Variants in DNAH11 observed in about 807,000 individuals in gnomAD.
DNAH11 encodes axonemal beta dynein heavy chain 11.
DNAH11 carries 442 observed loss-of-function variants against 526.0 expected under a neutral mutation model. The observed-to-expected ratio is 0.84, with a 90% CI of 0.78 to 0.91. The LOEUF is 0.91. DNAH11 is among the 40% of genes least tolerant of loss of function. The pLI is 0.00. For missense variants in DNAH11, 6,989 were observed against 5,448.7 expected (o/e 1.28, Z -8.90); for synonymous variants, 2,461 against 1,935.9 (o/e 1.27, Z -7.12).
chr7:21,600,310 T>C (rs1482137641), intron 15 of DNAH11, among the ~76,000 whole-genome samples, 191 bp downstream of exon 15: 2 of 151,914 alleles, frequency 1.3e-5, no homozygotes, highest in Non-Finnish European at 2.9e-5. Context: ...ATTAAAAAAT[T>C]AGCTGGGTGT....
At chr7:21,559,058 C>A in intron 3 of DNAH11, 60 bp downstream of exon 3, 2 of 1,435,428 alleles carry the variant, frequency 1.4e-6, no homozygotes, top group Non-Finnish European at 1.9e-6. Flanking sequence ...AGCACGGTGG[C>A]TCATGCCTAT....
intron 66 of DNAH11, among the ~76,000 whole-genome samples, chr7:21,844,233 T>C (rs1782330158): frequency 6.6e-6 from 1 of 152,100 alleles, no homozygotes. Flanking sequence ...GAGACCAGCC[T>C]GGCCAACATG....
chr7:21,650,134 A>G (rs1325889923), intron 28 of DNAH11, among the ~76,000 whole-genome samples: 1 of 152,236 alleles, frequency 6.6e-6, no homozygotes, highest in African/African-American at 2.4e-5. Context: ...ACACATTTAC[A>G]TAAAATTATA....
intron 9 of DNAH11, 98 bp downstream of exon 9, chr7:21,582,119 A>C: frequency 4.1e-6 from 3 of 730,914 alleles, no homozygotes; most frequent in Non-Finnish European, 7.0e-6. Context: ...AGTATTCACT[A>C]GGTTAACTAG....
intron 36 of DNAH11, among the ~76,000 whole-genome samples, chr7:21,699,861 T>C (rs1053568725): frequency 8.5e-5 from 13 of 152,128 alleles, no homozygotes; most frequent in Non-Finnish European, 1.8e-4. Flanking sequence ...TTGCTGACCA[T>C]GTTGAATGTG....
Position 21,617,888 on chromosome 7 carries a change from A to G in DNAH11, c.4254+111A>G. The G allele has an allele frequency of 9.4e-6, 11 of 1,166,532 alleles. No homozygotes were observed. In the South Asian group the frequency reaches 1.9e-4, roughly 20 times the overall value. The allele number at this position is 1,166,532 out of a possible 1,614,324, so 72.3% of individuals were successfully genotyped here. ...TTTATGAAAAGACCCCCCTCAGCAT[A>G]GCCTCTACTTGCTGTGTTATGCCTT... On this transcript the variant is annotated intron_variant, in intron 23 of 81. Coordinates refer to ENST00000409508, the MANE Select transcript of DNAH11 (RefSeq NM_001277115.2).
chr7:21,886,309 C>A (rs1046160629), intron 76 of DNAH11, among the ~76,000 whole-genome samples: 2 of 151,836 alleles, frequency 1.3e-5, no homozygotes, highest in African/African-American at 4.8e-5. Context: ...CTATTTTAGA[C>A]TAAAATACAC....
intron 65 of DNAH11, among the ~76,000 whole-genome samples, chr7:21,831,340 T>A (rs1781759442): frequency 6.6e-6 from 1 of 152,160 alleles, no homozygotes; most frequent in Admixed American, 6.5e-5. Context: ...TTTTGATCCT[T>A]CAAGTCATGA....
In DNAH11 at chr7:21,854,389, A is replaced by G. The variant is rs758237171; in HGVS notation, c.11136A>G (p.Ala3712=). The change falls in exon 68 of 82, where the codon GCA becomes GCG. Residue 3712 remains alanine, a synonymous_variant. Transcript: ENST00000409508. The part of the protein sequence containing the change: ...RECYRPVAAR[A]SLLYFVINDL... ...GTTACAGACCAGTGGCAGCAAGAGC[A>G]TCTCTTCTTTATTTTGTTATTAATG... is the stretch of plus-strand genomic sequence containing the variant. 18 of 1,613,756 alleles carry G rather than the reference A, an allele frequency of 1.1e-5. No homozygotes were observed. The South Asian group carries it at 1.9e-4, about 17-fold the overall frequency.
rs185604290 is a variant in DNAH11, at chr7:21,899,913, C to T, written c.13163-67C>T. On this transcript the variant is annotated intron_variant, in intron 80 of 81. Coordinates refer to ENST00000409508, the MANE Select transcript of DNAH11 (RefSeq NM_001277115.2). ...TGGGACTAAAGGATGCCTCAATTTACTGGTAGCTCCCGGGAACCTTACATG... is the reference window on the plus strand; with the variant it reads ...TGGGACTAAAGGATGCCTCAATTTATTGGTAGCTCCCGGGAACCTTACATG... 3.3e-5 allele frequency: 51 copies of T among 1,564,760 alleles called. 1 individual carries two copies. The African/African-American group carries it at 5.7e-4, about 17-fold the overall frequency.
intron 65 of DNAH11, among the ~76,000 whole-genome samples, chr7:21,819,914 A>G (rs1676400146): frequency 1.3e-5 from 2 of 152,304 alleles, no homozygotes; most frequent in East Asian, 1.9e-4. Context: ...TGAATTGATC[A>G]TATCATTCTT....
intron 43 of DNAH11, among the ~76,000 whole-genome samples, chr7:21,719,559 T>C (rs1784798187): frequency 6.6e-6 from 1 of 152,198 alleles, no homozygotes; most frequent in Non-Finnish European, 1.5e-5. Context: ...TACTAAAAAA[T>C]AACAAAGCCT....
At chr7:21,558,659 T>C (rs889352140) in intron 2 of DNAH11, 143 bp from the exon 3 acceptor site, 14 of 639,540 alleles carry the variant, frequency 2.2e-5, no homozygotes, top group African/African-American at 3.7e-5. Flanking sequence ...AATGGGTCAC[T>C]GACTTTATCC....
intron 8 of DNAH11, among the ~76,000 whole-genome samples, chr7:21,574,562 TC>T (rs756577367): frequency 7.5e-6 from 1 of 132,610 alleles, no homozygotes; most frequent in South Asian, 2.8e-4. Flanking sequence ...CTCCCTTCCT[TC>T]CTTTTTTTTT....
chr7:21,809,400 C>T (rs1019529208), intron 63 of DNAH11, among the ~76,000 whole-genome samples: 1 of 152,138 alleles, frequency 6.6e-6, no homozygotes, highest in African/African-American at 2.4e-5. Context: ...TACGATCCCA[C>T]TTTTGCATTT....
At chr7:21,658,711 C>A in intron 29 of DNAH11, 87 bp from the exon 30 acceptor site, 1 of 1,134,266 alleles carries the variant, frequency 8.8e-7, no homozygotes, top group Non-Finnish European at 1.2e-6. Context: ...GGGCATTACC[C>A]TCTGCGTGGC....
At position 21,842,672 on chromosome 7, in the gene DNAH11, T is replaced by C; in HGVS notation, c.10820T>C (p.Val3607Ala). ...QAQTTLLNFT[V>A]TEDGLEAQLL... ...CAGACAACTCTCCTCAATTTCACAG[T>C]CACAGAAGATGGTCTAGAAGCCCAG... is the stretch of plus-strand genomic sequence containing the variant. Residue 3607 changes from valine (V) to alanine (A), a missense_variant, in exon 66 of 82, where the codon GTC becomes GCC. By Grantham distance (64) the Val-to-Ala change is moderately conservative. Coordinates refer to ENST00000409508, the MANE Select transcript of DNAH11 (RefSeq NM_001277115.2). 6.2e-7 allele frequency: 1 copy of C among 1,613,914 alleles called. No homozygotes were observed. The highest frequency in any genetic ancestry group is 8.5e-7 in the Non-Finnish European group (1 of 1,179,844).
chr7:21,646,140 A>T (rs1053214125), intron 28 of DNAH11, among the ~76,000 whole-genome samples: 13 of 152,208 alleles, frequency 8.5e-5, no homozygotes, highest in African/African-American at 3.1e-4. Context: ...TAGTTCACAA[A>T]AAAAAGATGG....
intron 31 of DNAH11, among the ~76,000 whole-genome samples, chr7:21,683,493 G>T (rs1783228194): frequency 6.6e-6 from 1 of 150,486 alleles, no homozygotes; most frequent in South Asian, 2.1e-4. Flanking sequence ...TGAGTATAAA[G>T]TTACAAGATT....
Sources: gnomAD v4.1 joint callset for allele counts (sites outside exome capture counted in the v4.1 genomes callset) on GRCh38, gnomAD v4.1.1 for gene constraint, MANE v1.5 for transcripts, NCBI Gene and HGNC (gene_info 2026-07-23, HGNC 2026-07-21) for gene names.